The following DNM3 variants were observed in gnomAD, a reference collection of about 807,000 sequenced individuals.
The protein encoded by DNM3 is dynamin 3.
A neutral mutation model predicts 101.6 loss-of-function variants in DNM3; 47 were observed. The observed-to-expected ratio is 0.46, with a 90% CI of 0.37 to 0.59. The LOEUF (loss-of-function observed/expected upper bound fraction) is 0.59. Among genes scored for constraint, DNM3 ranks in the 20% least tolerant of loss-of-function variants. The probability of loss-of-function intolerance (pLI) is 0.00; values close to 1 mark genes in which losing one functional copy is unlikely to be tolerated. For synonymous variants in DNM3, 385 were observed against 387.9 expected, an observed-to-expected ratio of 0.99 and a Z score of 0.09; for missense variants, 849 against 1,085.7, an observed-to-expected ratio of 0.78 and a Z score of 3.06.
At chr1:172,097,914 T>C (rs1424251231) in intron 13 of DNM3, among the ~76,000 whole-genome samples, 1 of 151,532 alleles carries the variant, frequency 6.6e-6, no homozygotes, top group Non-Finnish European at 1.5e-5. Flanking sequence ...AAGTTTTTAT[T>C]AGTGATTTTC....
intron 14 of DNM3, among the ~76,000 whole-genome samples, chr1:172,181,080 A>G (rs1452515444): frequency 6.6e-6 from 1 of 152,086 alleles, no homozygotes; most frequent in African/African-American, 2.4e-5. Context: ...TGAGGCCTAC[A>G]CATCAGGGCA....
rs558532142 is a variant in DNM3, at chr1:172,272,067, A to G, written c.1769+18385A>G. Among the ~76,000 whole-genome samples, 18 of 152,202 alleles carry G rather than the reference A, an allele frequency of 1.2e-4. No homozygotes were observed. The South Asian group carries it at 3.7e-3, about 32-fold the overall frequency. On this transcript the variant is annotated intron_variant, in intron 15 of 20. Coordinates refer to ENST00000627582, the MANE Select transcript of DNM3 (RefSeq NM_015569.5). ...TGAGAAAATATCTGCCAAAAACTGA[A>G]GTTTTAGTAACGATAGATTGTTAGC...
chr1:172,395,060 C>A (rs2069861654), intron 20 of DNM3, among the ~76,000 whole-genome samples: 1 of 152,176 alleles, frequency 6.6e-6, no homozygotes, highest in Non-Finnish European at 1.5e-5. Flanking sequence ...GTCAACGATT[C>A]ATGGCATGAC....
chr1:171,945,895 T>A (rs1324752385), intron 2 of DNM3, among the ~76,000 whole-genome samples: 2 of 151,982 alleles, frequency 1.3e-5, no homozygotes, highest in Non-Finnish European at 2.9e-5. Flanking sequence ...AACAGGAGGA[T>A]TTGGTAAGTG....
chr1:172,144,737 C>T (rs1168258951), intron 14 of DNM3: 2 of 401,768 alleles, frequency 5.0e-6, no homozygotes, highest in Non-Finnish European at 1.0e-5. Context: ...AATTCTGCTG[C>T]GCTGACTGAG....
At chr1:171,865,515 C>CAAAAA (rs57826674) in intron 1 of DNM3, among the ~76,000 whole-genome samples, 13 of 80,642 alleles carry the variant, frequency 1.6e-4, no homozygotes, top group East Asian at 8.6e-4. Flanking sequence ...GATCCTGTCT[C>CAAAAA]AAAAAAAAAA....
intron 15 of DNM3, among the ~76,000 whole-genome samples, chr1:172,260,911 G>C (rs2062617297): frequency 6.6e-6 from 1 of 151,740 alleles, no homozygotes; most frequent in East Asian, 1.9e-4. Flanking sequence ...TTTTCCCTAG[G>C]ATTTAATGAA....
In DNM3 at chr1:171,971,011, A is replaced by C. The variant is rs113941715; in HGVS notation, c.236-16645A>C. Reference sequence around the variant, plus strand: ...CTACATTTTAAATATACTTAGTATGAAATGGGCATTGTATTAAATTCTTTC... The same window carrying C: ...CTACATTTTAAATATACTTAGTATGCAATGGGCATTGTATTAAATTCTTTC... On this transcript the variant is annotated intron_variant, in intron 2 of 20. Transcript: ENST00000627582. Among the ~76,000 whole-genome samples the C allele has an allele frequency of 8.7e-3, 1,322 of 152,210 alleles. 23 individuals are homozygous for C. The highest frequency in any genetic ancestry group is 0.03 in the African/African-American group (1,251 of 41,566).
intron 16 of DNM3, among the ~76,000 whole-genome samples, chr1:172,313,181 T>C (rs1156658568): frequency 6.6e-6 from 1 of 152,256 alleles, no homozygotes; most frequent in African/African-American, 2.4e-5. Context: ...ATTGTAAAAT[T>C]TGATATCATT....
At chr1:171,880,367 T>G (rs2036157604) in intron 1 of DNM3, among the ~76,000 whole-genome samples, 1 of 152,240 alleles carries the variant, frequency 6.6e-6, no homozygotes, top group Non-Finnish European at 1.5e-5. Context: ...TATCTCTATG[T>G]ATTTGTAGCT....
At chr1:172,333,218 G>GTAT (rs1371630358) in intron 17 of DNM3, among the ~76,000 whole-genome samples, 1 of 152,152 alleles carries the variant, frequency 6.6e-6, no homozygotes, top group East Asian at 1.9e-4. Context: ...ATGCGTTCAT[G>GTAT]TATTATTAAC....
At chr1:172,097,967 C>A (rs1265807028) in intron 13 of DNM3, among the ~76,000 whole-genome samples, 1 of 152,066 alleles carries the variant, frequency 6.6e-6, no homozygotes, top group Non-Finnish European at 1.5e-5. Flanking sequence ...TCACAGAGGT[C>A]ACGTGCTTCA....
intron 14 of DNM3, chr1:172,133,236 G>A: frequency 9.0e-7 from 1 of 1,110,010 alleles, no homozygotes; most frequent in South Asian, 4.1e-5. Context: ...TGTAGGGAAG[G>A]AAGAAGCTTT....
intron 13 of DNM3, among the ~76,000 whole-genome samples, chr1:172,130,738 G>A (rs1043719855): frequency 6.6e-5 from 10 of 152,146 alleles, no homozygotes; most frequent in Admixed American, 6.6e-4. Flanking sequence ...GCAGGTCTCT[G>A]GTGGAAATCC....
At chr1:172,111,356 G>A (rs2055464967) in intron 13 of DNM3, among the ~76,000 whole-genome samples, 1 of 152,214 alleles carries the variant, frequency 6.6e-6, no homozygotes, top group South Asian at 2.1e-4. Context: ...TCTAGGGAAG[G>A]TATAAGTATT....
intron 12 of DNM3, among the ~76,000 whole-genome samples, chr1:172,091,458 A>T (rs6665598): frequency 0.93 from 141,113 of 152,282 alleles, 65,508 homozygotes; most frequent in Non-Finnish European, 0.95. Flanking sequence ...ACTGAAAAGA[A>T]GGATTTGAAT....
intron 2 of DNM3, among the ~76,000 whole-genome samples, chr1:171,940,216 G>T (rs1280348570): frequency 6.6e-6 from 1 of 152,256 alleles, no homozygotes; most frequent in East Asian, 1.9e-4. Context: ...TCAAATAATT[G>T]TGTTAGTTTA....
At chr1:171,853,167 A>C (rs967937255) in intron 1 of DNM3, among the ~76,000 whole-genome samples, 2 of 151,654 alleles carry the variant, frequency 1.3e-5, no homozygotes, top group Non-Finnish European at 2.9e-5. Flanking sequence ...AACTGTATTT[A>C]TTCTTTTTTT....
intron 14 of DNM3, among the ~76,000 whole-genome samples, chr1:172,247,444 G>A (rs1464990583): frequency 6.6e-6 from 1 of 152,080 alleles, no homozygotes; most frequent in Non-Finnish European, 1.5e-5. Context: ...CTGTTAGTCT[G>A]TCATAGAACC....
Sources: allele counts gnomAD v4.1 joint callset (sites outside exome capture counted in the v4.1 genomes callset), GRCh38; gene constraint gnomAD v4.1.1; transcripts MANE v1.5; gene names NCBI Gene and HGNC (gene_info 2026-07-23, HGNC 2026-07-21).